The following RNF152 variants were observed in gnomAD, a reference collection of about 807,000 sequenced individuals.
The protein encoded by RNF152 is E3 ubiquitin-protein ligase RNF152.
Under a neutral mutation model 12.7 loss-of-function variants are expected in RNF152, and 11 were observed. The ratio of observed to expected loss-of-function variants is 0.86; its 90% CI spans 0.54 to 1.43. The LOEUF is 1.43. RNF152 is among the 40% of genes most tolerant of loss of function. RNF152 has a pLI of 0.00. For synonymous variants in RNF152, 113 were observed against 120.3 expected (o/e 0.94, Z 0.40); for missense variants, 255 against 274.8 (o/e 0.93, Z 0.51).
chr18:61,808,406 A>AAAAAAAAC lies in RNF152; in HGVS notation c.*7445_*7446insGTTTTTTT. On this transcript the variant is annotated 3_prime_UTR_variant, in exon 2 of 2. Coordinates refer to ENST00000312828, the MANE Select transcript of RNF152 (RefSeq NM_173557.3). The stretch of plus-strand genomic sequence containing the variant: ...GGCCCTTAAAAAAAAAAAAAAAAAA[A>AAAAAAAAC]AAAAAAGCTCCTAAAATAAATAATC... 6.6e-6 allele frequency: 1 copy of AAAAAAAAC among 151,290 alleles called. No individual in the cohort carries two copies. The highest frequency in any genetic ancestry group is 1.5e-5 in the Non-Finnish European group (1 of 67,862). 9.4% of individuals were successfully genotyped at this position (151,290 alleles called of 1,614,324 possible). A position where few individuals can be genotyped will look rare whatever the true frequency, so the allele number is the denominator to read the frequency against.
chr18:61,890,216 C>T (rs955013331), intron 1 of RNF152: 2 of 152,242 alleles, frequency 1.3e-5, no homozygotes, highest in Admixed American at 6.5e-5. Flanking sequence ...CCATAGGACA[C>T]ACTTTCTAAC....
intron 1 of RNF152, among the ~76,000 whole-genome samples, chr18:61,858,599 G>A (rs1281821590): frequency 6.6e-6 from 1 of 152,038 alleles, no homozygotes; most frequent in Middle Eastern, 3.2e-3. Context: ...CCCAGTGGTC[G>A]ACTTCCACTC....
chr18:61,855,949 A>G (rs1030911888), intron 1 of RNF152, among the ~76,000 whole-genome samples: 5 of 152,262 alleles, frequency 3.3e-5, no homozygotes, highest in South Asian at 4.2e-4. Context: ...TACTCCACAT[A>G]CTTTAATCTG....
rs1275526527 is a variant in RNF152, at chr18:61,810,482, CT to C, written c.*5369del. 6.6e-5 allele frequency: 10 copies of C among 152,150 alleles called. No homozygotes were observed. The highest frequency in any genetic ancestry group is 1.7e-4 in the African/African-American group (7 of 41,404). The allele number at this position is 152,150 out of a possible 1,614,324, so 9.4% of individuals were successfully genotyped here. On this transcript the variant is annotated 3_prime_UTR_variant, in exon 2 of 2. Coordinates refer to ENST00000312828, the MANE Select transcript of RNF152 (RefSeq NM_173557.3). Reference sequence around the variant, plus strand: ...CCAACATGGAGAAACCCCGTCTCTACTTTAAAAAATACAAAATTAGCTGGGC... The same window carrying C: ...CCAACATGGAGAAACCCCGTCTCTACTTAAAAAATACAAAATTAGCTGGGC...
chr18:61,830,827 G>A (rs1454841227), intron 1 of RNF152, among the ~76,000 whole-genome samples: 1 of 152,122 alleles, frequency 6.6e-6, no homozygotes, highest in Non-Finnish European at 1.5e-5. Flanking sequence ...CATTTTTGAG[G>A]GGTACAGCTG....
At chr18:61,863,806 G>C (rs1166748033) in intron 1 of RNF152, among the ~76,000 whole-genome samples, 1 of 152,170 alleles carries the variant, frequency 6.6e-6, no homozygotes, top group African/African-American at 2.4e-5. Flanking sequence ...AGCAACACCT[G>C]ACAAGAGTAA....
intron 1 of RNF152, among the ~76,000 whole-genome samples, chr18:61,859,039 A>G (rs551222069): frequency 1.2e-4 from 18 of 152,244 alleles, no homozygotes; most frequent in South Asian, 4.2e-4. Flanking sequence ...TCTAACCCAC[A>G]TGGGCCCATC....
At chr18:61,830,466 G>C (rs1244668258) in intron 1 of RNF152, among the ~76,000 whole-genome samples, 1 of 152,154 alleles carries the variant, frequency 6.6e-6, no homozygotes, top group South Asian at 2.1e-4. Flanking sequence ...CCTCATAAGA[G>C]TGGGATTGTA....
intron 1 of RNF152, among the ~76,000 whole-genome samples, chr18:61,820,891 T>A (rs1181330532): frequency 1.3e-5 from 2 of 152,080 alleles, no homozygotes; most frequent in African/African-American, 2.4e-5. Flanking sequence ...CAGGCCAAAG[T>A]CATTTACCTT....
intron 1 of RNF152, among the ~76,000 whole-genome samples, chr18:61,879,465 T>C (rs1912359857): frequency 6.6e-6 from 1 of 152,180 alleles, no homozygotes; most frequent in African/African-American, 2.4e-5. Flanking sequence ...CCATAGATAC[T>C]GAGTGACGAC....
At chr18:61,855,139 T>C (rs2144702767) in intron 1 of RNF152, among the ~76,000 whole-genome samples, 1 of 152,366 alleles carries the variant, frequency 6.6e-6, no homozygotes, top group East Asian at 1.9e-4. Flanking sequence ...GAAGAAGGAT[T>C]TGAAGGACAG....
intron 1 of RNF152, among the ~76,000 whole-genome samples, chr18:61,873,323 G>T (rs1477484169): frequency 1.3e-5 from 2 of 152,058 alleles, no homozygotes; most frequent in Non-Finnish European, 2.9e-5. Context: ...CAAAAATTCT[G>T]CAGTCTCCTT....
chr18:61,845,293 T>C (rs1463812415), intron 1 of RNF152, among the ~76,000 whole-genome samples: 1 of 152,258 alleles, frequency 6.6e-6, no homozygotes, highest in Admixed American at 6.5e-5. Flanking sequence ...CAGTTTTGGC[T>C]GTGCTGTGTA....
intron 1 of RNF152, among the ~76,000 whole-genome samples, chr18:61,850,923 C>T: frequency 6.6e-6 from 1 of 151,910 alleles, no homozygotes; most frequent in East Asian, 1.9e-4. Context: ...CAGCTCTGGG[C>T]ACACGGAAAT....
At chr18:61,856,163 T>C (rs1911218829) in intron 1 of RNF152, among the ~76,000 whole-genome samples, 1 of 152,160 alleles carries the variant, frequency 6.6e-6, no homozygotes, top group Non-Finnish European at 1.5e-5. Context: ...ATTAACAAAA[T>C]TCACTGGCTG....
At chr18:61,886,917 T>C (rs1912727442) in intron 1 of RNF152, among the ~76,000 whole-genome samples, 1 of 152,212 alleles carries the variant, frequency 6.6e-6, no homozygotes, top group Non-Finnish European at 1.5e-5. Flanking sequence ...TTATAAAGAA[T>C]TTCTAAAGGC....
Position 61,816,569 on chromosome 18 carries a change from G to A in RNF152, c.-106C>T. ...CAGTGCAGGTAATGGCAAGCTCACA[G>A]GCATCCAGTACTCACAGGTGTGTTC... On this transcript the variant is annotated 5_prime_UTR_variant, in exon 2 of 2. Transcript: ENST00000312828. 8.4e-7 allele frequency: 1 copy of A among 1,190,478 alleles called. No homozygotes were observed. Among genetic ancestry groups the A allele is most frequent in the Non-Finnish European group, 1.2e-6 (1 of 837,546 alleles). 73.7% of individuals were successfully genotyped at this position (1,190,478 alleles called of 1,614,324 possible). A position where few individuals can be genotyped will look rare whatever the true frequency, so the allele number is the denominator to read the frequency against.
At chr18:61,846,069 A>C (rs1428086714) in intron 1 of RNF152, among the ~76,000 whole-genome samples, 1 of 152,108 alleles carries the variant, frequency 6.6e-6, no homozygotes, top group Non-Finnish European at 1.5e-5. Context: ...CTCACAAGAC[A>C]CCAAATCTGC....
At chr18:61,816,751 C>T (rs184987250) in intron 1 of RNF152, among the ~76,000 whole-genome samples, 153 bp from the exon 2 acceptor site, 260 of 152,308 alleles carry the variant, frequency 1.7e-3, no homozygotes, top group Non-Finnish European at 2.7e-3. Flanking sequence ...ATTCCCATAA[C>T]GCCCAGTGAA....
Sources: allele counts gnomAD v4.1 joint callset (sites outside exome capture counted in the v4.1 genomes callset), GRCh38; gene constraint gnomAD v4.1.1; transcripts MANE v1.5; gene names NCBI Gene and HGNC (gene_info 2026-07-23, HGNC 2026-07-21).